The following LPO variants were observed in gnomAD, a reference collection of about 807,000 sequenced individuals.
LPO encodes the protein salivary peroxidase.
Under a neutral mutation model 68.4 loss-of-function variants are expected in LPO, and 70 were observed. That is an observed-to-expected ratio of 1.02 (90% CI 0.84 to 1.25). LPO has a LOEUF of 1.25. Among genes scored for constraint, LPO ranks in the 50% most tolerant of loss-of-function variants. The pLI is 0.00. For synonymous variants in LPO, 360 were observed against 357.6 expected (o/e 1.01, Z -0.08); for missense variants, 873 against 908.4 (o/e 0.96, Z 0.50).
rs1289195018 is a variant in LPO, at chr17:58,268,495, A to G, written c.*501A>G. 1 of 158,406 alleles carries G rather than the reference A, an allele frequency of 6.3e-6. No individual in the cohort carries two copies. Among genetic ancestry groups the G allele is most frequent in the African/African-American group, 2.4e-5 (1 of 41,480 alleles). 9.8% of individuals were successfully genotyped at this position (158,406 alleles called of 1,614,324 possible). A position where few individuals can be genotyped will look rare whatever the true frequency, so the allele number is the denominator to read the frequency against. On this transcript the variant is annotated 3_prime_UTR_variant, in exon 13 of 13. Coordinates refer to ENST00000262290, the MANE Select transcript of LPO (RefSeq NM_006151.3). ...GCAGACCTCGGAATCACTGCCAAAT[A>G]AGTAACTAGACGTTTACAGGCCATA...
At chr17:58,267,609 A>G (rs765473505) in intron 12 of LPO, 23 bp downstream of exon 12, 2 of 1,579,468 alleles carry the variant, frequency 1.3e-6, no homozygotes, top group South Asian at 2.3e-5. Context: ...TCAGCCAGGG[A>G]GGGAAGGGCA....
At position 58,249,159 on chromosome 17, in the gene LPO, C is replaced by G; in HGVS notation, c.425C>G (p.Thr142Arg). 1 of 1,614,068 alleles carries G rather than the reference C, an allele frequency of 6.2e-7. No homozygotes were observed. The highest frequency in any genetic ancestry group is 8.5e-7 in the Non-Finnish European group (1 of 1,179,926). ...CCGTGCAGCCCTTACCGCACCATTA[C>G]GGGAGACTGCAATAACAGGTGGCGG... is the stretch of plus-strand genomic sequence containing the variant. ...CDPCSPYRTITGDCNNRRKPA... is the reference protein window; with the variant it reads ...CDPCSPYRTIRGDCNNRRKPA... Residue 142 changes from threonine (T) to arginine (R), a missense_variant, in exon 5 of 13, where the codon ACG becomes AGG. Coordinates refer to ENST00000262290, the MANE Select transcript of LPO (RefSeq NM_006151.3).
At chr17:58,249,527 C>A (rs755960996) in intron 5 of LPO, 39 bp from the exon 6 acceptor site, 1 of 1,591,918 alleles carries the variant, frequency 6.3e-7, no homozygotes, top group Non-Finnish European at 8.5e-7. Context: ...GCCCCGGAGC[C>A]GGCCTGCCGA....
chr17:58,240,273 A>G (rs970282854), intron 1 of LPO, among the ~76,000 whole-genome samples: 1 of 152,190 alleles, frequency 6.6e-6, no homozygotes, highest in Non-Finnish European at 1.5e-5. Flanking sequence ...TGAGGGGCAA[A>G]GGCTGTGGCT....
chr17:58,247,589 G>A lies in LPO; in HGVS notation c.276G>A (p.Glu92=), dbSNP rs376698877. Residue 92 remains glutamate (E), a synonymous_variant, in exon 4 of 13, where the codon GAG becomes GAA. Coordinates refer to ENST00000262290, the MANE Select transcript of LPO (RefSeq NM_006151.3). The part of the protein sequence containing the change: ...RTAIRNGQVW[E]ESLKRLRQKA... ...CCATCCGCAATGGACAGGTGTGGGA[G>A]GAGTCTTTAAAGAGACTGAGGCAGA... 5 of 1,614,056 alleles carry A rather than the reference G, an allele frequency of 3.1e-6. No homozygotes were observed. In the African/African-American group the frequency reaches 6.7e-5, roughly 22 times the overall value.
chr17:58,242,873 A>G, intron 1 of LPO, 105 bp from the exon 2 acceptor site: 1 of 870,608 alleles, frequency 1.1e-6, no homozygotes, highest in Non-Finnish European at 1.9e-6. Flanking sequence ...CTGTTCCAAT[A>G]TTAGGGTGTC....
intron 7 of LPO, chr17:58,250,853 C>T (rs7209537): frequency 0.42 from 231,839 of 547,312 alleles, 53,736 homozygotes; most frequent in African/African-American, 0.78. Context: ...AACAGGACAC[C>T]GCTCCTGCTC....
rs375737858 is a variant in LPO at position 58,252,237 on chromosome 17, G to A, written c.836G>A (p.Arg279Gln). The part of the protein sequence containing the change: ...GTQGKCMPFF[R>Q]AGFVCPTPPY... ...CAAGGGAAATGCATGCCTTTCTTCC[G>A]AGCTGGGTTCGTCTGCCCCACTCCA... The change falls in exon 8 of 13, where the codon CGA (arginine) becomes CAA (glutamine). Residue 279 changes from arginine to glutamine, a missense_variant. Coordinates refer to ENST00000262290, the MANE Select transcript of LPO (RefSeq NM_006151.3). 8.1e-6 allele frequency: 13 copies of A among 1,614,076 alleles called. No homozygotes were observed. The highest frequency in any genetic ancestry group is 3.3e-5 in the South Asian group (3 of 91,080).
rs1338069175 is a variant in LPO at position 58,268,288 on chromosome 17, GC to G, written c.*297del. Reference sequence around the variant, plus strand: ...TGTCCTCTTCCCTCCACAAGTCTTGGCCCTTAACCTTTATCTTTCTTCCTGT... The same window carrying G: ...TGTCCTCTTCCCTCCACAAGTCTTGGCCTTAACCTTTATCTTTCTTCCTGT... On this transcript the variant is annotated 3_prime_UTR_variant, in exon 13 of 13. Transcript: ENST00000262290. 1.6e-5 allele frequency: 7 copies of G among 424,882 alleles called. No individual in the cohort carries two copies. The highest frequency in any genetic ancestry group is 2.2e-5 in the Non-Finnish European group (5 of 230,384). The allele number at this position is 424,882 out of a possible 1,614,324, so 26.3% of individuals were successfully genotyped here.
At chr17:58,246,476 C>G (rs764858825) in intron 3 of LPO, among the ~76,000 whole-genome samples, 2 of 152,124 alleles carry the variant, frequency 1.3e-5, no homozygotes, top group Non-Finnish European at 2.9e-5. Context: ...GAGGTCCTTC[C>G]AAGACCCTGC....
rs776760906 is a variant in LPO at position 58,242,970 on chromosome 17, C to T, written c.-2-8C>T. On this transcript the variant is annotated splice_polypyrimidine_tract_variant and splice_region_variant and intron_variant, in intron 1 of 12. Coordinates refer to ENST00000262290, the MANE Select transcript of LPO (RefSeq NM_006151.3). ...AGGCTCACAGTGTGATCCTGCATCT[C>T]GTTTCAGTGATGAGGGTCCTTCTCC... 1.4e-4 allele frequency: 232 copies of T among 1,613,446 alleles called. No homozygotes were observed. The highest frequency in any genetic ancestry group is 1.9e-4 in the Non-Finnish European group (226 of 1,179,622).
intron 2 of LPO, chr17:58,243,598 C>A: frequency 1.1e-5 from 3 of 267,250 alleles, no homozygotes; most frequent in East Asian, 9.8e-5. Flanking sequence ...TCATGCCATC[C>A]CCTTCTGTAC....
At chr17:58,243,693 C>G in intron 2 of LPO, 2 of 455,462 alleles carry the variant, frequency 4.4e-6, no homozygotes. Flanking sequence ...AGAGAAATCC[C>G]CACAGTCCAG....
Position 58,249,553 on chromosome 17 carries a change from G to C in LPO, c.444-13G>C. 6.2e-7 allele frequency: 1 copy of C among 1,602,968 alleles called. No homozygotes were observed. The highest frequency in any genetic ancestry group is 2.2e-5 in the East Asian group (1 of 44,686). On this transcript the variant is annotated splice_polypyrimidine_tract_variant and intron_variant, in intron 5 of 12. Coordinates refer to ENST00000262290, the MANE Select transcript of LPO (RefSeq NM_006151.3). ...GGCCTGCCGAAGCTCAGCGAGGATC[G>C]TGCTGGTTTCAGGAGGAAGCCTGCG...
chr17:58,264,202 C>T (rs142897792), intron 9 of LPO, among the ~76,000 whole-genome samples: 132 of 152,288 alleles, frequency 8.7e-4, no homozygotes, highest in Middle Eastern at 3.4e-3. Flanking sequence ...TATGTGGAGG[C>T]ATTTTTCTTT....
chr17:58,267,943 C>T lies in LPO; in HGVS notation c.2088C>T (p.Cys696=). The T allele has an allele frequency of 1.2e-6, 2 of 1,614,154 alleles. No individual in the cohort carries two copies. Among genetic ancestry groups the T allele is most frequent in the Non-Finnish European group, 1.7e-6 (2 of 1,180,034 alleles). The part of the protein sequence containing the change: ...ANSYPYDFVD[C]SAIDKLDLSP... ...GCTACCCCTATGACTTCGTGGATTG[C>T]TCAGCCATCGACAAGCTGGACCTGT... The change falls in exon 13 of 13, where the codon TGC becomes TGT. Residue 696 remains cysteine, a synonymous_variant. Transcript: ENST00000262290.
rs1263027960 is a variant in LPO, at chr17:58,268,325, A to G, written c.*331A>G. On this transcript the variant is annotated 3_prime_UTR_variant, in exon 13 of 13. Coordinates refer to ENST00000262290, the MANE Select transcript of LPO (RefSeq NM_006151.3). ...TATCTTTCTTCCTGTCCTCTCACCT[A>G]GATTGTAAGCTCCCTGGGCCAGGAC... The G allele has an allele frequency of 9.3e-6, 3 of 323,988 alleles. No individual in the cohort carries two copies. Among genetic ancestry groups the G allele is most frequent in the Admixed American group, 4.6e-5 (1 of 21,646 alleles). 20.1% of individuals were successfully genotyped at this position (323,988 alleles called of 1,614,324 possible). A position where few individuals can be genotyped will look rare whatever the true frequency, so the allele number is the denominator to read the frequency against.
intron 2 of LPO, 94 bp from the exon 3 acceptor site, chr17:58,243,900 G>T: frequency 1.3e-6 from 1 of 795,828 alleles, no homozygotes; most frequent in Non-Finnish European, 2.2e-6. Flanking sequence ...GAGGGGTGGG[G>T]GTAATGGCCG....
chr17:58,245,447 T>C (rs1969835135), intron 3 of LPO, among the ~76,000 whole-genome samples: 1 of 152,128 alleles, frequency 6.6e-6, no homozygotes, highest in African/African-American at 2.4e-5. Flanking sequence ...GAAAATTCTC[T>C]GGCCAGTGGC....
Sources: gnomAD v4.1 joint callset for allele counts (sites outside exome capture counted in the v4.1 genomes callset) on GRCh38, gnomAD v4.1.1 for gene constraint, MANE v1.5 for transcripts, NCBI Gene and HGNC (gene_info 2026-07-23, HGNC 2026-07-21) for gene names.